The following MET variants were observed in gnomAD, a reference collection of about 807,000 sequenced individuals.
The protein encoded by MET is hepatocyte growth factor receptor.
In MET, 48 loss-of-function variants were observed where a neutral mutation model predicts 133.1. The ratio of observed to expected loss-of-function variants is 0.36; its 90% CI spans 0.29 to 0.46. MET has a LOEUF of 0.46. MET is among the 20% of genes least tolerant of loss of function. The pLI is 1.00. For missense variants in MET, 1,442 were observed against 1,695.9 expected (o/e 0.85, Z 2.63); for synonymous variants, 628 against 616.5 (o/e 1.02, Z -0.28).
intron 5 of MET, among the ~76,000 whole-genome samples, chr7:116,744,732 TA>T (rs1793600427): frequency 6.6e-6 from 1 of 151,872 alleles, no homozygotes; most frequent in Admixed American, 6.6e-5. Flanking sequence ...CCAAGACACA[TA>T]ATAGTCAGAT....
At chr7:116,765,190 C>A (rs2116965121) in intron 11 of MET, among the ~76,000 whole-genome samples, 1 of 150,478 alleles carries the variant, frequency 6.6e-6, no homozygotes, top group South Asian at 2.1e-4. Context: ...ATCCCAGCTA[C>A]TCAGGAGGCT....
rs747989932 is a variant in MET, at chr7:116,763,232, G to T, written c.2547G>T (p.Met849Ile). The T allele has an allele frequency of 1.2e-6, 2 of 1,613,906 alleles. No homozygotes were observed. The highest frequency in any genetic ancestry group is 1.7e-6 in the Non-Finnish European group (2 of 1,179,912). The part of the protein sequence containing the change: ...PVFKPFEKPV[M>I]ISMGNENVLE... ...TTAAGCCTTTTGAAAAGCCAGTGAT[G>T]ATCTCAATGGGCAATGAAAATGTAC... The change falls in exon 11 of 21, where the codon ATG (methionine) becomes ATT (isoleucine). Residue 849 changes from methionine to isoleucine, a missense_variant. Physicochemically the swap from Met to Ile is conservative, Grantham distance 10 (BLOSUM62 1). This residue lies in a region of MET where 514 missense variants were observed against 659.6 expected (regional missense o/e 0.78). Coordinates refer to ENST00000397752, the MANE Select transcript of MET (RefSeq NM_000245.4).
chr7:116,703,169 A>T (rs1193129411), intron 2 of MET, among the ~76,000 whole-genome samples: 1 of 152,154 alleles, frequency 6.6e-6, no homozygotes. Flanking sequence ...ATCCCAAGCC[A>T]CAAATGCCCA....
At chr7:116,724,867 C>T in intron 2 of MET, 1 of 1,283,842 alleles carries the variant, frequency 7.8e-7, no homozygotes, top group Non-Finnish European at 1.0e-6. Flanking sequence ...ACACTCAGTG[C>T]CTCAGTTTCC....
chr7:116,690,595 T>C (rs1796749052), intron 1 of MET, among the ~76,000 whole-genome samples: 1 of 152,248 alleles, frequency 6.6e-6, no homozygotes, highest in Admixed American at 6.5e-5. Context: ...TTTTATCTTT[T>C]TAAAGTAAAT....
chr7:116,772,614 GC>G (rs1472112096), intron 14 of MET, among the ~76,000 whole-genome samples: 4 of 152,246 alleles, frequency 2.6e-5, no homozygotes, highest in Non-Finnish European at 5.9e-5. Context: ...CCTGGTAAAA[GC>G]AAAAGGTCTG....
chr7:116,704,525 T>A (rs1791711997), intron 2 of MET, among the ~76,000 whole-genome samples: 1 of 152,130 alleles, frequency 6.6e-6, no homozygotes, highest in Admixed American at 6.6e-5. Flanking sequence ...TGGATTATTC[T>A]CTGGAAGAGG....
intron 5 of MET, among the ~76,000 whole-genome samples, chr7:116,745,828 T>A (rs1426177924): frequency 3.3e-5 from 5 of 152,174 alleles, no homozygotes; most frequent in Admixed American, 6.5e-5. Context: ...ATAAAAACCT[T>A]AGAAGAAAAC....
At chr7:116,730,337 C>T (rs530688528) in intron 2 of MET, among the ~76,000 whole-genome samples, 61 of 152,134 alleles carry the variant, frequency 4.0e-4, no homozygotes, top group South Asian at 1.0e-3. Context: ...GGGCAGGGGC[C>T]GGATGATGGG....
chr7:116,739,865 T>C, intron 3 of MET, 85 bp from the exon 4 acceptor site: 1 of 1,586,234 alleles, frequency 6.3e-7, no homozygotes, highest in Non-Finnish European at 8.7e-7. Flanking sequence ...TGCTAATCTG[T>C]TATTACCATT....
At chr7:116,776,188 T>C (rs980907795) in intron 15 of MET, among the ~76,000 whole-genome samples, 5 of 152,222 alleles carry the variant, frequency 3.3e-5, no homozygotes, top group Non-Finnish European at 5.9e-5. Flanking sequence ...GAGAAGCTGA[T>C]GGCGTGATTT....
intron 3 of MET, among the ~76,000 whole-genome samples, chr7:116,733,476 G>A (rs1793099319): frequency 6.6e-6 from 1 of 151,312 alleles, no homozygotes; most frequent in African/African-American, 2.4e-5. Flanking sequence ...ACATTCTAAA[G>A]TTGTAATACA....
intron 2 of MET, among the ~76,000 whole-genome samples, chr7:116,704,197 G>A (rs1159565847): frequency 6.6e-6 from 1 of 152,082 alleles, no homozygotes; most frequent in Admixed American, 6.6e-5. Flanking sequence ...ACAGGTTTTT[G>A]TGAAAATTTG....
chr7:116,772,028 T>C (rs1313206098), intron 14 of MET, 39 bp downstream of exon 14: 1 of 1,605,240 alleles, frequency 6.2e-7, no homozygotes, highest in Non-Finnish European at 8.5e-7. Flanking sequence ...TACCTATACA[T>C]ATACCTCAGT....
Position 116,771,833 on chromosome 7 carries a change from T to C in MET, c.2888-16T>C, listed in dbSNP as rs1035141881. 5.0e-6 allele frequency: 8 copies of C among 1,613,594 alleles called. No homozygotes were observed. Among genetic ancestry groups the C allele is most frequent in the Non-Finnish European group, 5.9e-6 (7 of 1,179,796 alleles). ...TAGCCGTCTTTAACAAGCTCTTTCT[T>C]TCTCTCTGTTTTAAGATCTGGGCAG... On this transcript the variant is annotated splice_polypyrimidine_tract_variant and intron_variant, in intron 13 of 20. Coordinates refer to ENST00000397752, the MANE Select transcript of MET (RefSeq NM_000245.4).
chr7:116,730,218 C>G (rs758184735), intron 2 of MET, among the ~76,000 whole-genome samples: 1 of 152,080 alleles, frequency 6.6e-6, no homozygotes, highest in African/African-American at 2.4e-5. Context: ...CATTTCAAGC[C>G]GGGAAATAGC....
intron 12 of MET, 137 bp downstream of exon 12, chr7:116,769,928 T>C (rs1794779137): frequency 7.9e-7 from 1 of 1,263,296 alleles, no homozygotes; most frequent in Non-Finnish European, 1.1e-6. Context: ...TTCCTAGTTG[T>C]TATTTTAGAA....
intron 19 of MET, among the ~76,000 whole-genome samples, chr7:116,783,686 G>T (rs1187413182): frequency 6.6e-6 from 1 of 152,166 alleles, no homozygotes; most frequent in Non-Finnish European, 1.5e-5. Context: ...CAACATACCA[G>T]CTCCTTAGGA....
chr7:116,772,459 C>G (rs1794866476), intron 14 of MET, among the ~76,000 whole-genome samples: 1 of 152,114 alleles, frequency 6.6e-6, no homozygotes, highest in Non-Finnish European at 1.5e-5. Context: ...TATTCTAGGA[C>G]TTGAATGTAT....
Sources: allele counts gnomAD v4.1 joint callset (sites outside exome capture counted in the v4.1 genomes callset), GRCh38; gene constraint gnomAD v4.1.1; regional missense constraint gnomAD v4.1.1; transcripts MANE v1.5; gene names NCBI Gene and HGNC (gene_info 2026-07-23, HGNC 2026-07-21).